TMEFF2: variants seen among roughly 807,000 people sequenced by gnomAD.
TMEFF2 encodes tomoregulin-2.
In TMEFF2, 28 loss-of-function variants were observed where a neutral mutation model predicts 53.8. That is an observed-to-expected ratio of 0.52 (90% CI 0.39 to 0.71). TMEFF2 has a LOEUF of 0.71. Among genes scored for constraint, TMEFF2 ranks in the 30% least tolerant of loss-of-function variants. The pLI, the probability that TMEFF2 is intolerant of heterozygous loss-of-function variation, is 0.00. For missense variants in TMEFF2, 353 were observed against 455.2 expected, an observed-to-expected ratio of 0.78 and a Z score of 2.04; for synonymous variants, 162 against 166.3, an observed-to-expected ratio of 0.97 and a Z score of 0.20.
intron 9 of TMEFF2, among the ~76,000 whole-genome samples, chr2:191,953,380 T>C (rs566340742): frequency 2.4e-4 from 36 of 152,320 alleles, no homozygotes; most frequent in African/African-American, 8.7e-4. Flanking sequence ...CCAAGATATG[T>C]TAAAACTGAT....
intron 4 of TMEFF2, among the ~76,000 whole-genome samples, chr2:192,097,844 A>C (rs1283011138): frequency 6.6e-6 from 1 of 152,218 alleles, no homozygotes; most frequent in African/African-American, 2.4e-5. Context: ...GAAGGTGCGC[A>C]GTTAGGATCC....
intron 5 of TMEFF2, among the ~76,000 whole-genome samples, chr2:192,003,930 G>GGGC (rs1686432172): frequency 8.3e-6 from 1 of 121,090 alleles, no homozygotes; most frequent in Non-Finnish European, 1.8e-5. Flanking sequence ...TGTGTGTGTG[G>GGGC]GGGGGGGGCT....
At chr2:192,176,215 T>C (rs1006935378) in intron 4 of TMEFF2, among the ~76,000 whole-genome samples, 2 of 151,444 alleles carry the variant, frequency 1.3e-5, no homozygotes, top group East Asian at 3.9e-4. Flanking sequence ...GGACCACATA[T>C]TACCTCCCTA....
intron 7 of TMEFF2, among the ~76,000 whole-genome samples, chr2:191,970,587 CCTTT>C (rs1234300777): frequency 2.6e-5 from 4 of 152,200 alleles, no homozygotes; most frequent in Admixed American, 1.3e-4. Context: ...GAAAGTGTGG[CCTTT>C]CTAATGCCTG....
At chr2:192,166,180 C>T (rs899606053) in intron 4 of TMEFF2, among the ~76,000 whole-genome samples, 1 of 152,108 alleles carries the variant, frequency 6.6e-6, no homozygotes, top group African/African-American at 2.4e-5. Context: ...ATTTTTCTCC[C>T]TTTCCAAGCA....
intron 5 of TMEFF2, among the ~76,000 whole-genome samples, chr2:192,041,952 G>A (rs1274723472): frequency 6.6e-6 from 1 of 152,126 alleles, no homozygotes; most frequent in Admixed American, 6.6e-5. Context: ...GCTCATGCCT[G>A]TAATCCCATG....
intron 5 of TMEFF2, chr2:192,021,902 T>G (rs1339396115): frequency 6.6e-6 from 1 of 152,222 alleles, no homozygotes; most frequent in Non-Finnish European, 1.5e-5. Flanking sequence ...TCAGTTGCCA[T>G]TGTTCCATTG....
intron 4 of TMEFF2, among the ~76,000 whole-genome samples, chr2:192,079,425 T>A (rs1030538446): frequency 5.9e-5 from 9 of 152,198 alleles, no homozygotes; most frequent in African/African-American, 2.2e-4. Flanking sequence ...TTTTGTAAAA[T>A]TACATTTGTT....
intron 4 of TMEFF2, among the ~76,000 whole-genome samples, chr2:192,124,398 A>T (rs527487322): frequency 6.6e-6 from 1 of 152,334 alleles, no homozygotes; most frequent in South Asian, 2.1e-4. Context: ...CCAAGAATGT[A>T]GTCAAGCTTT....
intron 5 of TMEFF2, among the ~76,000 whole-genome samples, chr2:192,050,784 G>C (rs1033833727): frequency 6.6e-6 from 1 of 152,152 alleles, no homozygotes; most frequent in South Asian, 2.1e-4. Flanking sequence ...AATATAAGCT[G>C]TTTATTTTCT....
Position 192,073,916 on chromosome 2 carries a change from C to G in TMEFF2, c.440-16141G>C, listed in dbSNP as rs182525638. Among the ~76,000 whole-genome samples the G allele has an allele frequency of 2.4e-4, 36 of 151,952 alleles. 1 individual carries two copies. In the South Asian group the frequency reaches 3.7e-3, roughly 16 times the overall value. Reference sequence around the variant, plus strand: ...ATTTCTACAGCTATCTAGATAGAAACACCATACATAAAAATGTTCTTTATT... The same window carrying G: ...ATTTCTACAGCTATCTAGATAGAAAGACCATACATAAAAATGTTCTTTATT... On this transcript the variant is annotated intron_variant, in intron 4 of 9. Transcript: ENST00000272771.
At position 192,184,484 on chromosome 2, in the gene TMEFF2, C is replaced by T; in HGVS notation, c.283-1G>A. ...ACACAGGCACATAGTCATTGTTGCACTGGGAAACACACAGATGTAAGCCTA... is the reference window on the plus strand; with the variant it reads ...ACACAGGCACATAGTCATTGTTGCATTGGGAAACACACAGATGTAAGCCTA... On this transcript the variant is annotated splice_acceptor_variant, in intron 2 of 9. Coordinates refer to ENST00000272771, the MANE Select transcript of TMEFF2 (RefSeq NM_016192.4). LOFTEE classifies it high-confidence loss of function. The T allele has an allele frequency of 6.2e-7, 1 of 1,613,052 alleles. No homozygotes were observed. The highest frequency in any genetic ancestry group is 8.5e-7 in the Non-Finnish European group (1 of 1,179,372).
chr2:192,170,366 C>T (rs764223889), intron 4 of TMEFF2, among the ~76,000 whole-genome samples: 28 of 151,974 alleles, frequency 1.8e-4, no homozygotes, highest in Admixed American at 4.6e-4. Context: ...ATCTCAATGC[C>T]CACAAGAACA....
chr2:192,106,367 T>C (rs73045729), intron 4 of TMEFF2, among the ~76,000 whole-genome samples: 15,733 of 151,730 alleles, frequency 0.1, 953 homozygotes, highest in East Asian at 0.2. Flanking sequence ...ATTGTTGATA[T>C]TGGAAATAAA....
At chr2:191,956,501 A>T (rs922294387) in intron 7 of TMEFF2, 123 bp from the exon 8 acceptor site, 6 of 1,091,804 alleles carry the variant, frequency 5.5e-6, no homozygotes, top group African/African-American at 1.6e-5. Context: ...CTAAAGGGCT[A>T]TGCTTCAGAA....
intron 7 of TMEFF2, among the ~76,000 whole-genome samples, chr2:191,975,080 G>GA (rs1559068396): frequency 4.0e-5 from 6 of 150,988 alleles, no homozygotes; most frequent in African/African-American, 9.7e-5. Context: ...TATTTAAATA[G>GA]AAAAAAATCA....
chr2:192,055,398 C>T (rs1486874496), intron 5 of TMEFF2, among the ~76,000 whole-genome samples: 3 of 152,156 alleles, frequency 2.0e-5, no homozygotes, highest in African/African-American at 7.2e-5. Flanking sequence ...TAAAAAAATT[C>T]TCAAAGTACT....
chr2:191,957,773 A>G (rs1011370531), intron 7 of TMEFF2, among the ~76,000 whole-genome samples: 7 of 152,236 alleles, frequency 4.6e-5, no homozygotes, highest in Non-Finnish European at 1.0e-4. Context: ...GAGAGCCTGT[A>G]GATGACATTT....
chr2:192,014,916 G>A (rs1420927612), intron 5 of TMEFF2, among the ~76,000 whole-genome samples: 1 of 152,206 alleles, frequency 6.6e-6, no homozygotes, highest in African/African-American at 2.4e-5. Flanking sequence ...TGAAGTGAAA[G>A]ATGTTGCCTT....
Sources: allele counts gnomAD v4.1 joint callset (sites outside exome capture counted in the v4.1 genomes callset), GRCh38; gene constraint gnomAD v4.1.1; transcripts MANE v1.5; gene names NCBI Gene and HGNC (gene_info 2026-07-23, HGNC 2026-07-21).